PDE10A: variants seen among roughly 807,000 people sequenced by gnomAD.
The protein encoded by PDE10A is phosphodiesterase 10A, also known as cAMP and cAMP-inhibited cGMP 3',5'-cyclic phosphodiesterase 10A.
Under a neutral mutation model 97.7 loss-of-function variants are expected in PDE10A, and 39 were observed. That is an observed-to-expected ratio of 0.40 (90% CI 0.31 to 0.52). The LOEUF (loss-of-function observed/expected upper bound fraction) is 0.52. Ranked by LOEUF, PDE10A falls within the 20% of genes least tolerant of loss-of-function variation. PDE10A has a pLI of 0.56. For missense variants in PDE10A, 731 were observed against 1,047.8 expected (o/e 0.70, Z 4.17); for synonymous variants, 371 against 376.8 (o/e 0.98, Z 0.18).
At chr6:165,480,715 GT>G (rs1206980710) in intron 3 of PDE10A, among the ~76,000 whole-genome samples, 2 of 152,214 alleles carry the variant, frequency 1.3e-5, no homozygotes, top group African/African-American at 2.4e-5. Flanking sequence ...TCAGGGATGT[GT>G]TAGAGCAGAA....
chr6:165,894,787 A>T (rs1400161441), intron 1 of PDE10A: 1 of 265,724 alleles, frequency 3.8e-6, no homozygotes, highest in East Asian at 8.9e-5. Context: ...TTTATAGTAT[A>T]TTTGTTCAAA....
chr6:165,553,234 G>T lies in PDE10A; in HGVS notation c.866-9666C>A, dbSNP rs73250042. On this transcript the variant is annotated intron_variant, in intron 1 of 21. Transcript: ENST00000539869. ...CTAAATTTCTTTTTTTGGGGAGGAGGGGGGTGTCTTTTTTTTAAAGGCAAA... is the reference window on the plus strand; with the variant it reads ...CTAAATTTCTTTTTTTGGGGAGGAGTGGGGTGTCTTTTTTTTAAAGGCAAA... Among the ~76,000 whole-genome samples, 760 of 152,142 alleles carry T rather than the reference G, an allele frequency of 5.0e-3. 9 individuals carry two copies. The highest frequency in any genetic ancestry group is 0.018 in the African/African-American group (731 of 41,504).
intron 18 of PDE10A, among the ~76,000 whole-genome samples, chr6:165,369,363 C>A (rs1784052076): frequency 6.6e-6 from 1 of 151,646 alleles, no homozygotes; most frequent in South Asian, 2.1e-4. Context: ...ACTAGAATAA[C>A]CAATACAGAG....
chr6:165,606,550 G>A (rs996348502), intron 1 of PDE10A, among the ~76,000 whole-genome samples: 1 of 152,026 alleles, frequency 6.6e-6, no homozygotes, highest in Non-Finnish European at 1.5e-5. Flanking sequence ...CCTTCCACCT[G>A]CTATTGATCA....
At chr6:165,790,064 C>T (rs1012517014) in intron 1 of PDE10A, among the ~76,000 whole-genome samples, 10 of 152,246 alleles carry the variant, frequency 6.6e-5, no homozygotes, top group African/African-American at 2.4e-4. Flanking sequence ...AAACTAATTT[C>T]CAGGGTCGCT....
At chr6:165,688,618 G>A (rs1043319703) in intron 1 of PDE10A, among the ~76,000 whole-genome samples, 23 of 152,208 alleles carry the variant, frequency 1.5e-4, no homozygotes, top group African/African-American at 5.5e-4. Flanking sequence ...CATTGGATAC[G>A]TAGTGGAATG....
intron 2 of PDE10A, among the ~76,000 whole-genome samples, chr6:165,513,709 T>C (rs1781635767): frequency 6.6e-6 from 1 of 152,170 alleles, no homozygotes; most frequent in African/African-American, 2.4e-5. Context: ...CAGCAATGTT[T>C]CATAGTTTTC....
At chr6:165,739,394 C>T (rs1792661238) in intron 1 of PDE10A, among the ~76,000 whole-genome samples, 1 of 152,122 alleles carries the variant, frequency 6.6e-6, no homozygotes. Context: ...GGAGAACGGA[C>T]AGTGTCTTCA....
intron 1 of PDE10A, among the ~76,000 whole-genome samples, chr6:165,764,811 G>C (rs906232577): frequency 1.3e-5 from 2 of 152,196 alleles, no homozygotes; most frequent in East Asian, 1.9e-4. Context: ...TCCACAGAGT[G>C]TCGAAGGGGA....
intron 1 of PDE10A, among the ~76,000 whole-genome samples, chr6:165,788,171 A>G (rs1485777293): frequency 6.6e-6 from 1 of 152,156 alleles, no homozygotes; most frequent in South Asian, 2.1e-4. Flanking sequence ...TACATATATT[A>G]TGTGTAGAAT....
At chr6:165,369,786 C>T (rs1461927404) in intron 18 of PDE10A, among the ~76,000 whole-genome samples, 3 of 147,558 alleles carry the variant, frequency 2.0e-5, no homozygotes, top group African/African-American at 7.7e-5. Context: ...TCAGATTCAC[C>T]AAAGTTGAAA....
chr6:165,493,844 C>G (rs545411295), intron 2 of PDE10A, among the ~76,000 whole-genome samples: 1 of 152,032 alleles, frequency 6.6e-6, no homozygotes, highest in Non-Finnish European at 1.5e-5. Flanking sequence ...AACTAATAAG[C>G]TTCTGCATAG....
chr6:165,685,020 A>G (rs1419814797), intron 1 of PDE10A, among the ~76,000 whole-genome samples: 3 of 152,190 alleles, frequency 2.0e-5, no homozygotes, highest in Non-Finnish European at 4.4e-5. Context: ...CATTTCTGAA[A>G]TTATTTTTTA....
intron 1 of PDE10A, among the ~76,000 whole-genome samples, chr6:165,925,828 C>T (rs986263986): frequency 3.9e-5 from 6 of 152,082 alleles, no homozygotes; most frequent in South Asian, 4.1e-4. Context: ...CAATGCTTCA[C>T]GTCTGATAAG....
intron 1 of PDE10A, among the ~76,000 whole-genome samples, chr6:165,730,206 A>G (rs1792396037): frequency 6.6e-6 from 1 of 151,850 alleles, no homozygotes. Flanking sequence ...GTATAGAAAC[A>G]TGGTAGGGAG....
intron 1 of PDE10A, among the ~76,000 whole-genome samples, chr6:165,945,881 C>A (rs1435605643): frequency 6.6e-6 from 1 of 152,002 alleles, no homozygotes; most frequent in Non-Finnish European, 1.5e-5. Context: ...ATAATTAAAC[C>A]AAGTGGGGAA....
intron 1 of PDE10A, among the ~76,000 whole-genome samples, chr6:165,625,519 C>T (rs915593483): frequency 7.2e-5 from 11 of 152,140 alleles, no homozygotes; most frequent in Admixed American, 6.5e-5. Context: ...GATACCTGAC[C>T]GATATGGTTT....
intron 1 of PDE10A, among the ~76,000 whole-genome samples, chr6:165,855,880 C>T (rs774105657): frequency 1.3e-5 from 2 of 152,142 alleles, no homozygotes; most frequent in East Asian, 1.9e-4. Context: ...CAGGAAGCCC[C>T]GCTTTCTTTC....
At chr6:165,846,832 G>A (rs746963218) in intron 1 of PDE10A, among the ~76,000 whole-genome samples, 1 of 152,146 alleles carries the variant, frequency 6.6e-6, no homozygotes, top group African/African-American at 2.4e-5. Flanking sequence ...AAGAAATCCC[G>A]GACGCCTGAA....
Sources: gnomAD v4.1 joint callset for allele counts (sites outside exome capture counted in the v4.1 genomes callset) on GRCh38, gnomAD v4.1.1 for gene constraint, MANE v1.5 for transcripts, NCBI Gene and HGNC (gene_info 2026-07-23, HGNC 2026-07-21) for gene names.